Variants in CMYA5 observed in about 807,000 individuals in gnomAD.
CMYA5 encodes the protein cardiomyopathy associated 5.
CMYA5 carries 246 observed loss-of-function variants against 318.9 expected under a neutral mutation model. That is an observed-to-expected ratio of 0.77 (90% CI 0.70 to 0.86). The LOEUF (loss-of-function observed/expected upper bound fraction) is 0.86. CMYA5 is among the 40% of genes least tolerant of loss of function. The pLI is 0.00. For synonymous variants in CMYA5, 1,641 were observed against 1,729.5 expected, an observed-to-expected ratio of 0.95 and a Z score of 1.27; for missense variants, 4,589 against 4,678.2, an observed-to-expected ratio of 0.98 and a Z score of 0.56.
At chr5:79,798,703 G>C (rs572745744) in intron 12 of CMYA5, among the ~76,000 whole-genome samples, 2 of 152,264 alleles carry the variant, frequency 1.3e-5, no homozygotes, top group African/African-American at 4.8e-5. Flanking sequence ...GCCCCAGAGT[G>C]CCTAGTAAAG....
rs561121965 is a variant in CMYA5, at chr5:79,726,944, T to G, written c.150-1971T>G. 6.6e-5 allele frequency among the ~76,000 whole-genome samples: 9 copies of G among 136,004 alleles called. No individual in the cohort carries two copies. In the East Asian group the frequency reaches 1.8e-3, roughly 28 times the overall value. 89.2% of individuals were successfully genotyped at this position (136,004 alleles called of 152,430 possible). A position where few individuals can be genotyped will look rare whatever the true frequency, so the allele number is the denominator to read the frequency against. Reference sequence around the variant, plus strand: ...TTTTTTTTTTTTTTGAGACGGAGTTTCACTGTTGTCACCCAGGCTGGAGTG... The same window carrying G: ...TTTTTTTTTTTTTTGAGACGGAGTTGCACTGTTGTCACCCAGGCTGGAGTG... On this transcript the variant is annotated intron_variant, in intron 1 of 12. Coordinates refer to ENST00000446378, the MANE Select transcript of CMYA5 (RefSeq NM_153610.5).
In CMYA5 at chr5:79,736,754, C is replaced by T. The variant is rs1027445119; in HGVS notation, c.7989C>T (p.Ser2663=). 1.9e-6 allele frequency: 3 copies of T among 1,612,786 alleles called. No homozygotes were observed. In the African/African-American group the frequency reaches 4.0e-5, roughly 22 times the overall value. The change falls in exon 2 of 13, where the codon AGC becomes AGT. Residue 2663 remains serine, a synonymous_variant. Coordinates refer to ENST00000446378, the MANE Select transcript of CMYA5 (RefSeq NM_153610.5). ...QEGNLVLEKS[S]RDMPDHSEEK... is the part of the protein sequence containing the mutation. ...GAAATCTAGTATTAGAAAAGTCAAG[C>T]AGAGATATGCCAGATCACAGTGAAG...
intron 2 of CMYA5, among the ~76,000 whole-genome samples, 157 bp downstream of exon 2, chr5:79,739,560 T>C (rs1828169619): frequency 6.6e-6 from 1 of 152,174 alleles, no homozygotes; most frequent in East Asian, 1.9e-4. Context: ...AAGAATTTAG[T>C]TAAGGTAGGC....
chr5:79,707,748 C>T (rs1046664526), intron 1 of CMYA5, among the ~76,000 whole-genome samples: 3 of 152,136 alleles, frequency 2.0e-5, no homozygotes, highest in African/African-American at 2.4e-5. Flanking sequence ...CTTCAAGCCC[C>T]GGAAAGGAAG....
intron 1 of CMYA5, among the ~76,000 whole-genome samples, chr5:79,718,224 G>A (rs1827556685): frequency 6.6e-6 from 1 of 152,010 alleles, no homozygotes; most frequent in Admixed American, 6.6e-5. Flanking sequence ...CTGTTATTCA[G>A]CAATGCATAT....
intron 6 of CMYA5, among the ~76,000 whole-genome samples, chr5:79,754,794 A>G (rs1828496723): frequency 6.6e-6 from 1 of 152,102 alleles, no homozygotes; most frequent in Admixed American, 6.5e-5. Context: ...ATCTTGCAAA[A>G]CAGAAGCTCT....
At chr5:79,746,737 C>G (rs2151090955) in intron 4 of CMYA5, among the ~76,000 whole-genome samples, 1 of 152,226 alleles carries the variant, frequency 6.6e-6, no homozygotes, top group South Asian at 2.1e-4. Flanking sequence ...ATTCTGGAAG[C>G]TAAGCCATTG....
chr5:79,796,770 A>C (rs956525503), intron 12 of CMYA5, among the ~76,000 whole-genome samples: 5 of 152,258 alleles, frequency 3.3e-5, no homozygotes, highest in African/African-American at 1.2e-4. Context: ...GTTTTAATAT[A>C]TAATAAATGA....
Position 79,731,043 on chromosome 5 carries a change from G to A in CMYA5, c.2278G>A (p.Glu760Lys), listed in dbSNP as rs150480852. 404 of 1,613,928 alleles carry A rather than the reference G, an allele frequency of 2.5e-4. 2 individuals carry two copies. In the East Asian group the frequency reaches 8.2e-3, roughly 33 times the overall value. ...GCCCTCTCTCTCACCATCCACAACC[G>A]AAAAGACTTCTGAATGCCAGTCACC... ...SEPSLSPSTT[E>K]KTSECQSPLP... The change falls in exon 2 of 13, where the codon GAA (glutamate) becomes AAA (lysine). Residue 760 changes from glutamate (E) to lysine (K), a missense_variant. Physicochemically the swap from Glu to Lys is moderately conservative, Grantham distance 56. Around this residue, in one of 3 missense-constraint regions of CMYA5, gnomAD observed 2,132 missense variants for 2,131.3 expected, o/e 1.00. Coordinates refer to ENST00000446378, the MANE Select transcript of CMYA5 (RefSeq NM_153610.5).
rs779047483 is a variant in CMYA5, at chr5:79,758,769, A to G, written c.11127A>G (p.Arg3709=). Residue 3709 remains arginine, a synonymous_variant, in exon 7 of 13, where the codon AGA becomes AGG. Transcript: ENST00000446378. Reference sequence around the variant, plus strand: ...ATATTCCAGTTCCACAGCCTCCTAGATTAGAACCTCAGGAACCAAATTCTG... The same window carrying G: ...ATATTCCAGTTCCACAGCCTCCTAGGTTAGAACCTCAGGAACCAAATTCTG... ...LKQVAVPQPP[R]LEPQEPNSAT... The G allele has an allele frequency of 2.5e-6, 4 of 1,606,846 alleles. No individual in the cohort carries two copies. In the East Asian group the frequency reaches 9.0e-5, roughly 36 times the overall value.
intron 7 of CMYA5, among the ~76,000 whole-genome samples, chr5:79,761,528 A>G (rs1039803777): frequency 1.3e-5 from 2 of 152,194 alleles, no homozygotes; most frequent in African/African-American, 4.8e-5. Flanking sequence ...CGCTACTGAA[A>G]TAAGTTACTT....
chr5:79,703,305 C>A (rs1461799406), intron 1 of CMYA5, among the ~76,000 whole-genome samples: 1 of 152,144 alleles, frequency 6.6e-6, no homozygotes, highest in East Asian at 1.9e-4. Flanking sequence ...CAGATAAAAC[C>A]ATATGAGGTT....
chr5:79,774,630 G>A (rs2151097722), intron 9 of CMYA5, among the ~76,000 whole-genome samples: 1 of 152,324 alleles, frequency 6.6e-6, no homozygotes, highest in Non-Finnish European at 1.5e-5. Context: ...TCTGGCTGAG[G>A]CTATGGGCTG....
Position 79,735,235 on chromosome 5 carries a change from C to T in CMYA5, c.6470C>T (p.Thr2157Ile). ...CCTGAGGTGACACAAAATCCACCTA[C>T]ACAACCAAAGGTGGCTAAGCCGGAC... ...ESPEVTQNPP[T>I]QPKVAKPDLP... The change falls in exon 2 of 13, where the codon ACA becomes ATA. Residue 2157 changes from threonine to isoleucine, a missense_variant. By Grantham distance (89) the Thr-to-Ile change is moderately conservative. This residue lies in a region of CMYA5 where 2,431 missense variants were observed against 2,495.1 expected (regional missense o/e 0.97). Transcript: ENST00000446378. The T allele has an allele frequency of 6.2e-7, 1 of 1,613,818 alleles. No individual in the cohort carries two copies. Among genetic ancestry groups the T allele is most frequent in the Non-Finnish European group, 8.5e-7 (1 of 1,179,746 alleles).
chr5:79,723,353 C>T (rs552845093), intron 1 of CMYA5, among the ~76,000 whole-genome samples: 41 of 150,938 alleles, frequency 2.7e-4, no homozygotes, highest in Non-Finnish European at 5.7e-4. Context: ...GCAGGAGAAT[C>T]GCTTGAACTC....
At chr5:79,725,938 TTAAA>T (rs1214555508) in intron 1 of CMYA5, among the ~76,000 whole-genome samples, 7 of 151,084 alleles carry the variant, frequency 4.6e-5, no homozygotes, top group African/African-American at 9.7e-5. Flanking sequence ...AAACTGGAAA[TTAAA>T]AAAGAATGTT....
At chr5:79,695,187 G>T (rs927725765) in intron 1 of CMYA5, among the ~76,000 whole-genome samples, 7 of 152,082 alleles carry the variant, frequency 4.6e-5, no homozygotes, top group Non-Finnish European at 8.8e-5. Context: ...CTACCAACAT[G>T]ACTTAAGAGA....
chr5:79,742,053 CTTCTTCTTCTTCTTCT>C, intron 2 of CMYA5, among the ~76,000 whole-genome samples: 1 of 108,614 alleles, frequency 9.2e-6, no homozygotes, highest in African/African-American at 2.8e-5. Flanking sequence ...TTCTCCTCTT[CTTCTTCTTCTTCTTCT>C]TCTTCTTCTT....
At chr5:79,761,414 TTTATGACA>T (rs1232131418) in intron 7 of CMYA5, among the ~76,000 whole-genome samples, 1 of 152,212 alleles carries the variant, frequency 6.6e-6, no homozygotes, top group Non-Finnish European at 1.5e-5. Context: ...TTGTCCTTTT[TTTATGACA>T]TACTCTTCTG....
Sources: gnomAD v4.1 joint callset for allele counts (sites outside exome capture counted in the v4.1 genomes callset) on GRCh38, gnomAD v4.1.1 for gene constraint, gnomAD v4.1.1 regional missense constraint, MANE v1.5 for transcripts, NCBI Gene and HGNC (gene_info 2026-07-23, HGNC 2026-07-21) for gene names.